Variants in NOTCH1 observed in about 807,000 individuals in gnomAD.
NOTCH1 encodes the protein neurogenic locus notch homolog protein 1.
In NOTCH1, 37 loss-of-function variants were observed where a neutral mutation model predicts 254.8. That is an observed-to-expected ratio of 0.15 (90% CI 0.11 to 0.19). The LOEUF is 0.19. NOTCH1 is among the 10% of genes least tolerant of loss of function. The pLI is 1.00. For missense variants in NOTCH1, 2,972 were observed against 3,708.6 expected, an observed-to-expected ratio of 0.80 and a Z score of 5.16; for synonymous variants, 1,731 against 1,618.1, an observed-to-expected ratio of 1.07 and a Z score of -1.68.
rs763052700 is a variant in NOTCH1, at chr9:136,499,249, C to T, written c.5945G>A (p.Arg1982Gln). ...GGCATCCAGGTCTGTGGCTCGGTTC[C>T]GGATCAGGATCTGGGCAACAGGGAG... Reference protein sequence around the residue: ...DAQGVFQILIRNRATDLDARM... With the variant: ...DAQGVFQILIQNRATDLDARM... The change falls in exon 32 of 34, where the codon CGG (arginine) becomes CAG (glutamine). Residue 1982 changes from arginine (R) to glutamine (Q), a missense_variant. Physicochemically the swap from Arg to Gln is conservative, Grantham distance 43 (BLOSUM62 1). Around this residue, in one of 8 missense-constraint regions of NOTCH1, gnomAD observed 421 missense variants for 604.4 expected, o/e 0.70. Coordinates refer to ENST00000651671, the MANE Select transcript of NOTCH1 (RefSeq NM_017617.5). The T allele has an allele frequency of 3.7e-6, 6 of 1,612,612 alleles. No homozygotes were observed. In the Admixed American group the frequency reaches 5.0e-5, roughly 13 times the overall value.
chr9:136,497,564 G>A lies in NOTCH1; in HGVS notation c.6181-6C>T. The stretch of plus-strand genomic sequence containing the variant: ...AGAAACAGGGGTGTCTCCTCCTGGG[G>A]GATGAGGGCGGGGGCCGGTGAGGGG... On this transcript the variant is annotated splice_region_variant and splice_polypyrimidine_tract_variant and intron_variant, in intron 33 of 33. Transcript: ENST00000651671. The A allele has an allele frequency of 6.3e-7, 1 of 1,588,484 alleles. No individual in the cohort carries two copies. The highest frequency in any genetic ancestry group is 8.6e-7 in the Non-Finnish European group (1 of 1,169,174).
chr9:136,521,213 ATC>A (rs1843361710), intron 4 of NOTCH1, among the ~76,000 whole-genome samples: 1 of 152,052 alleles, frequency 6.6e-6, no homozygotes, highest in African/African-American at 2.4e-5. Context: ...CCGGATGGTC[ATC>A]TCACCCTGAA....
Position 136,513,231 on chromosome 9 carries a change from C to T in NOTCH1, c.2354-97G>A. ...CCCTGGGCCTGCTCCCCACCCCAGG[C>T]CCCTCCTCATCTCCAAGAGCCAGAG... On this transcript the variant is annotated intron_variant, in intron 14 of 33. Transcript: ENST00000651671. The surrounding 1 kb of genome is among the most constrained non-coding windows in gnomAD (Gnocchi z 4.7). 1 of 1,448,862 alleles carries T rather than the reference C, an allele frequency of 6.9e-7. No homozygotes were observed. The allele number at this position is 1,448,862 out of a possible 1,614,324, so 89.8% of individuals were successfully genotyped here. A position where few individuals can be genotyped will look rare whatever the true frequency, so the allele number is the denominator to read the frequency against.
Position 136,506,840 on chromosome 9 carries a change from G to T in NOTCH1, c.3777C>A (p.Phe1259Leu). 1 of 1,612,152 alleles carries T rather than the reference G, an allele frequency of 6.2e-7. No homozygotes were observed. The highest frequency in any genetic ancestry group is 1.1e-5 in the South Asian group (1 of 90,976). ...GGYSCTCPPG[F>L]VGERCEGDVN... ...CATCCCCCTCACAGCGCTCACCCAC[G>T]AAGCCCGGCGGGCAGGTGCAGCTGT... The change falls in exon 23 of 34, where the codon TTC becomes TTA. Residue 1259 changes from phenylalanine (F) to leucine (L), a missense_variant. Physicochemically the swap from Phe to Leu is conservative, Grantham distance 22 (BLOSUM62 0). Around this residue, in one of 8 missense-constraint regions of NOTCH1, gnomAD observed 1,343 missense variants for 1,557.0 expected, o/e 0.86. Transcript: ENST00000651671. The surrounding 1 kb of genome is among the most constrained non-coding windows in gnomAD (Gnocchi z 4.5).
intron 3 of NOTCH1, among the ~76,000 whole-genome samples, 177 bp downstream of exon 3, chr9:136,523,540 A>G (rs1428808290): frequency 6.6e-6 from 1 of 152,224 alleles, no homozygotes; most frequent in African/African-American, 2.4e-5. Context: ...CAGAGCAAGC[A>G]GCTGAAAACG....
rs1186257617 is a variant in NOTCH1 at position 136,495,958 on chromosome 9, T to A, written c.*113A>T. 1.8e-6 allele frequency: 2 copies of A among 1,118,068 alleles called. No homozygotes were observed. Among genetic ancestry groups the A allele is most frequent in the Non-Finnish European group, 2.5e-6 (2 of 800,374 alleles). The allele number at this position is 1,118,068 out of a possible 1,614,324, so 69.3% of individuals were successfully genotyped here. The stretch of plus-strand genomic sequence containing the variant: ...AATTAAAATCCTCGTTCTTATTTTG[T>A]ATAAAAACATGTGTTTTAAAAAGGC... On this transcript the variant is annotated 3_prime_UTR_variant, in exon 34 of 34. Coordinates refer to ENST00000651671, the MANE Select transcript of NOTCH1 (RefSeq NM_017617.5).
In NOTCH1 at chr9:136,495,694, T is replaced by C; in HGVS notation, c.*377A>G. On this transcript the variant is annotated 3_prime_UTR_variant, in exon 34 of 34. Coordinates refer to ENST00000651671, the MANE Select transcript of NOTCH1 (RefSeq NM_017617.5). ...TCCCTTCTCCAACATCATTTCTTTT[T>C]GGATTTTGAAAAAAGGAATCAATAA... 1 of 410,074 alleles carries C rather than the reference T, an allele frequency of 2.4e-6. No individual in the cohort carries two copies. Among genetic ancestry groups the C allele is most frequent in the Non-Finnish European group, 4.3e-6 (1 of 232,450 alleles). 25.4% of individuals were successfully genotyped at this position (410,074 alleles called of 1,614,324 possible).
At chr9:136,537,197 G>A (rs954710663) in intron 2 of NOTCH1, among the ~76,000 whole-genome samples, 1 of 152,238 alleles carries the variant, frequency 6.6e-6, no homozygotes, top group Non-Finnish European at 1.5e-5. Flanking sequence ...CCCAACACCT[G>A]CCTCCTCTGG....
Position 136,510,754 on chromosome 9 carries a change from T to C in NOTCH1, c.2639A>G (p.His880Arg), listed in dbSNP as rs2133353405. The C allele has an allele frequency of 6.2e-7, 1 of 1,610,682 alleles. No homozygotes were observed. The highest frequency in any genetic ancestry group is 8.5e-7 in the Non-Finnish European group (1 of 1,179,866). Residue 880 changes from histidine to arginine, a missense_variant, in exon 17 of 34, where the codon CAC (histidine) becomes CGC (arginine). Transcript: ENST00000651671. ...INECVLSPCR[H>R]GASCQNTHGG... ...GTGGGTGTTCTGGCAGGATGCGCCG[T>C]GCCGGCACGGGCTCAGAACGCACTC...
intron 2 of NOTCH1, among the ~76,000 whole-genome samples, chr9:136,531,389 T>A (rs1278767141): frequency 3.9e-5 from 6 of 152,076 alleles, no homozygotes; most frequent in Non-Finnish European, 8.8e-5. Flanking sequence ...CTCCCCAGGG[T>A]GGCACAGGAG....
chr9:136,516,111 G>T lies in NOTCH1; in HGVS notation c.1556-17C>A. The T allele has an allele frequency of 6.4e-7, 1 of 1,569,254 alleles. No homozygotes were observed. The highest frequency in any genetic ancestry group is 8.7e-7 in the Non-Finnish European group (1 of 1,145,350). ...CAGTGAAGCCTGGGGCCGGGGAGGG[G>T]AGGGGAGGGAGTCATGTGCAACAGC... On this transcript the variant is annotated splice_polypyrimidine_tract_variant and intron_variant, in intron 9 of 33. Transcript: ENST00000651671.
At chr9:136,539,605 G>T (rs1843702793) in intron 2 of NOTCH1, among the ~76,000 whole-genome samples, 1 of 152,184 alleles carries the variant, frequency 6.6e-6, no homozygotes, top group South Asian at 2.1e-4. Context: ...GGCCAGGCTG[G>T]TCTTGAACTC....
intron 2 of NOTCH1, among the ~76,000 whole-genome samples, chr9:136,529,326 G>A (rs1340837227): frequency 6.6e-6 from 1 of 152,258 alleles, no homozygotes; most frequent in Admixed American, 6.5e-5. Flanking sequence ...CCCAGCTCTA[G>A]CCCGGACCAA....
intron 2 of NOTCH1, among the ~76,000 whole-genome samples, chr9:136,529,891 G>A (rs10870079): frequency 0.56 from 85,031 of 152,206 alleles, 25,603 homozygotes; most frequent in African/African-American, 0.78. Context: ...TGGGGGCTGC[G>A]ATGTGGGATG....
rs112073941 is a variant in NOTCH1 at position 136,541,301 on chromosome 9, T to C, written c.140+2723A>G. Among the ~76,000 whole-genome samples the C allele has an allele frequency of 6.7e-3, 1,024 of 152,280 alleles. 12 individuals carry two copies. Among genetic ancestry groups the C allele is most frequent in the African/African-American group, 0.023 (967 of 41,552 alleles). ...AATCCCGGGCCCTGCAACCACCTGA[T>C]TGGCAGCTTCCGGTGAAGGTTCCTT... On this transcript the variant is annotated intron_variant, in intron 2 of 33. Coordinates refer to ENST00000651671, the MANE Select transcript of NOTCH1 (RefSeq NM_017617.5).
intron 2 of NOTCH1, among the ~76,000 whole-genome samples, chr9:136,541,567 C>T (rs1038454886): frequency 2.0e-5 from 3 of 152,332 alleles, no homozygotes; most frequent in Admixed American, 6.5e-5. Context: ...GCTGGGGGAG[C>T]CAGGCCTCCT....
intron 9 of NOTCH1, among the ~76,000 whole-genome samples, chr9:136,516,295 C>T (rs1400509367): frequency 2.6e-5 from 4 of 152,226 alleles, no homozygotes; most frequent in East Asian, 1.9e-4. Context: ...CACACGCCCT[C>T]GCTCCCACAG....
intron 2 of NOTCH1, among the ~76,000 whole-genome samples, chr9:136,526,317 C>T (rs968553776): frequency 1.3e-5 from 2 of 152,236 alleles, no homozygotes; most frequent in Non-Finnish European, 2.9e-5. Context: ...GAGTTGGCCA[C>T]AGCTCCCGCT....
At chr9:136,543,910 G>A (rs959367076) in intron 2 of NOTCH1, 114 bp downstream of exon 2, 2 of 1,021,606 alleles carry the variant, frequency 2.0e-6, no homozygotes, top group African/African-American at 1.6e-5. Flanking sequence ...ACCGTGCCCA[G>A]ACTCTGGGCC....
Sources: allele counts gnomAD v4.1 joint callset (sites outside exome capture counted in the v4.1 genomes callset), GRCh38; gene constraint gnomAD v4.1.1; regional missense constraint gnomAD v4.1.1; non-coding constraint Gnocchi (gnomAD v3.1); transcripts MANE v1.5; gene names NCBI Gene and HGNC (gene_info 2026-07-23, HGNC 2026-07-21).